The following CTNNA3 variants were observed in gnomAD, a reference collection of about 807,000 sequenced individuals.
The protein encoded by CTNNA3 is catenin alpha 3.
A neutral mutation model predicts 95.7 loss-of-function variants in CTNNA3; 76 were observed. That is an observed-to-expected ratio of 0.79 (90% CI 0.66 to 0.96). CTNNA3 has a LOEUF of 0.96. CTNNA3 is among the 40% of genes least tolerant of loss of function. The pLI is 0.00. For missense variants in CTNNA3, 1,191 were observed against 1,089.8 expected (o/e 1.09, Z -1.31); for synonymous variants, 431 against 374.4 (o/e 1.15, Z -1.74).
At chr10:67,260,201 A>G (rs1252310928) in intron 5 of CTNNA3, among the ~76,000 whole-genome samples, 4 of 152,212 alleles carry the variant, frequency 2.6e-5, no homozygotes, top group East Asian at 3.9e-4. Context: ...CTCATTCAGC[A>G]TGATAATGGA....
intron 1 of CTNNA3, among the ~76,000 whole-genome samples, chr10:67,684,260 T>C (rs185599426): frequency 8.2e-4 from 125 of 152,212 alleles, no homozygotes; most frequent in African/African-American, 2.9e-3. Context: ...AGACTGCTGA[T>C]TGGTGCATTT....
At chr10:67,194,129 C>T (rs1247188647) in intron 6 of CTNNA3, among the ~76,000 whole-genome samples, 1 of 151,986 alleles carries the variant, frequency 6.6e-6, no homozygotes, top group Non-Finnish European at 1.5e-5. Flanking sequence ...TGTGTCTGTT[C>T]ATGTCCTTTG....
intron 3 of CTNNA3, among the ~76,000 whole-genome samples, chr10:67,575,473 T>A (rs1842112842): frequency 6.6e-6 from 1 of 152,164 alleles, no homozygotes; most frequent in South Asian, 2.1e-4. Flanking sequence ...TTTCCTCAAA[T>A]TATGTTGTGA....
intron 7 of CTNNA3, among the ~76,000 whole-genome samples, chr10:66,838,683 G>C (rs573924618): frequency 3.9e-5 from 6 of 152,280 alleles, no homozygotes; most frequent in Non-Finnish European, 7.4e-5. Flanking sequence ...AATGTGCTGA[G>C]CTGCTGTGTT....
chr10:66,316,401 C>A (rs756130543), intron 12 of CTNNA3, among the ~76,000 whole-genome samples: 1 of 152,106 alleles, frequency 6.6e-6, no homozygotes, highest in South Asian at 2.1e-4. Context: ...TTTTATTTTA[C>A]AGTAATATAT....
chr10:67,173,301 C>T (rs1197445808), intron 7 of CTNNA3, among the ~76,000 whole-genome samples: 1 of 152,142 alleles, frequency 6.6e-6, no homozygotes, highest in Non-Finnish European at 1.5e-5. Flanking sequence ...GAACCTGCCT[C>T]ATCCAAAGTT....
rs191512216 is a variant in CTNNA3 at position 67,079,144 on chromosome 10, C to T, written c.1047+101173G>A. On this transcript the variant is annotated intron_variant, in intron 7 of 17. Coordinates refer to ENST00000433211, the MANE Select transcript of CTNNA3 (RefSeq NM_013266.4). ...TTTCAGAGACAAGATTTGCATTCCC[C>T]TTTTGGTTTCTCTGATGTTCTGCTG... Among the ~76,000 whole-genome samples the T allele has an allele frequency of 1.5e-3, 226 of 152,302 alleles. 1 individual carries two copies. The highest frequency in any genetic ancestry group is 7.5e-3 in the South Asian group (36 of 4,818).
chr10:66,359,021 G>A (rs1467481053), intron 12 of CTNNA3, among the ~76,000 whole-genome samples: 3 of 152,174 alleles, frequency 2.0e-5, no homozygotes, highest in Admixed American at 6.5e-5. Flanking sequence ...ACAACTGAAA[G>A]ATTTGAATCA....
In CTNNA3 at chr10:67,171,102, T is replaced by C. The variant is rs145398611; in HGVS notation, c.1047+9215A>G. On this transcript the variant is annotated intron_variant, in intron 7 of 17. Transcript: ENST00000433211. ...TATCTATTTGGCTCACATATTATTG[T>C]AGTTTGCATAATATTTCCATAAGAT... Among the ~76,000 whole-genome samples the C allele has an allele frequency of 1.4e-3, 206 of 152,326 alleles. 1 individual carries two copies. Among genetic ancestry groups the C allele is most frequent in the African/African-American group, 4.6e-3 (192 of 41,576 alleles).
At chr10:66,095,122 C>T (rs2081344713) in intron 14 of CTNNA3, among the ~76,000 whole-genome samples, 1 of 152,030 alleles carries the variant, frequency 6.6e-6, no homozygotes, top group Non-Finnish European at 1.5e-5. Context: ...GCTGAAAAGA[C>T]AGGACTAGGC....
chr10:67,474,880 G>C (rs1356960396), intron 5 of CTNNA3, among the ~76,000 whole-genome samples: 1 of 152,164 alleles, frequency 6.6e-6, no homozygotes, highest in African/African-American at 2.4e-5. Context: ...TTCTTATAAA[G>C]TTAATTATAT....
intron 12 of CTNNA3, among the ~76,000 whole-genome samples, chr10:66,296,731 T>C (rs1472536011): frequency 6.6e-6 from 1 of 152,110 alleles, no homozygotes; most frequent in Non-Finnish European, 1.5e-5. Flanking sequence ...TTCAAGAAGA[T>C]TTTACTTCAC....
intron 3 of CTNNA3, among the ~76,000 whole-genome samples, chr10:67,558,731 G>A (rs1033970472): frequency 2.0e-5 from 3 of 152,160 alleles, no homozygotes; most frequent in Non-Finnish European, 4.4e-5. Flanking sequence ...TCCCTTTCCT[G>A]GTCAAAGAAA....
chr10:66,942,548 G>GTCTCTCTCTCTC (rs67598003), intron 7 of CTNNA3, among the ~76,000 whole-genome samples: 112 of 148,126 alleles, frequency 7.6e-4, no homozygotes, highest in African/African-American at 2.2e-3. Flanking sequence ...TTGCCATAAT[G>GTCTCTCTCTCTC]TCTCTCTCTC....
chr10:67,503,981 C>A (rs1032073478), intron 5 of CTNNA3, among the ~76,000 whole-genome samples: 1 of 150,824 alleles, frequency 6.6e-6, no homozygotes, highest in African/African-American at 2.4e-5. Flanking sequence ...CATGGTGAAA[C>A]CCCGTCTCTA....
chr10:66,695,586 T>C (rs564802725), intron 9 of CTNNA3, among the ~76,000 whole-genome samples: 15 of 152,274 alleles, frequency 9.9e-5, no homozygotes, highest in East Asian at 5.8e-4. Flanking sequence ...CCCAGCAGCC[T>C]AGTAGTTGGT....
At chr10:66,822,990 T>C (rs1222473178) in intron 7 of CTNNA3, among the ~76,000 whole-genome samples, 2 of 152,202 alleles carry the variant, frequency 1.3e-5, no homozygotes, top group African/African-American at 2.4e-5. Flanking sequence ...AAAGGCTCTA[T>C]GGTACGGCAT....
chr10:67,136,786 T>A (rs1860326334), intron 7 of CTNNA3, among the ~76,000 whole-genome samples: 1 of 152,088 alleles, frequency 6.6e-6, no homozygotes, highest in Non-Finnish European at 1.5e-5. Flanking sequence ...AGGGTGAGAA[T>A]ATAGAAAGAA....
intron 7 of CTNNA3, among the ~76,000 whole-genome samples, chr10:66,935,501 A>G (rs1476471640): frequency 6.6e-6 from 1 of 152,064 alleles, no homozygotes; most frequent in Non-Finnish European, 1.5e-5. Context: ...ACTGGCACCA[A>G]TAGAGGGTTA....
Sources: allele counts gnomAD v4.1 joint callset (sites outside exome capture counted in the v4.1 genomes callset), GRCh38; gene constraint gnomAD v4.1.1; transcripts MANE v1.5; gene names NCBI Gene and HGNC (gene_info 2026-07-23, HGNC 2026-07-21).